The following DMD variants were observed in gnomAD, a reference collection of about 807,000 sequenced individuals.
DMD encodes mutant dystrophin.
DMD carries 63 observed loss-of-function variants against 330.1 expected under a neutral mutation model. That is an observed-to-expected ratio of 0.19 (90% CI 0.16 to 0.24). The LOEUF is 0.24. DMD is among the 10% of genes least tolerant of loss of function. The pLI is 1.00. For synonymous variants in DMD, 1,223 were observed against 959.8 expected (o/e 1.27, Z -5.07); for missense variants, 3,344 against 2,684.1 (o/e 1.25, Z -5.43).
At chrX:32,026,272 G>A (rs1035283033) in intron 44 of DMD, among the ~76,000 whole-genome samples, 11 of 112,127 alleles carry the variant, frequency 9.8e-5, no homozygotes, top group African/African-American at 3.6e-4. Flanking sequence ...TAAGCTAAGA[G>A]CTGCCACTTA....
intron 21 of DMD, among the ~76,000 whole-genome samples, chrX:32,475,495 G>T (rs1248814112): frequency 8.9e-6 from 1 of 111,889 alleles, no homozygotes; most frequent in East Asian, 2.8e-4. Flanking sequence ...ACTATGGGAT[G>T]TGTTTTCATT....
chrX:31,472,474 G>A, intron 59 of DMD, among the ~76,000 whole-genome samples: 1 of 112,349 alleles, frequency 8.9e-6, no homozygotes, highest in Middle Eastern at 4.6e-3. Context: ...GAACATGGTT[G>A]CAAGTATCTT....
intron 18 of DMD, among the ~76,000 whole-genome samples, chrX:32,504,294 T>C (rs915668479): frequency 5.4e-5 from 6 of 111,979 alleles, no homozygotes; most frequent in African/African-American, 1.6e-4. Context: ...TATCACAAAT[T>C]CACTTTAAAA....
At chrX:31,551,895 A>C (rs1198051877) in intron 55 of DMD, among the ~76,000 whole-genome samples, 2 of 112,164 alleles carry the variant, frequency 1.8e-5, no homozygotes, top group Non-Finnish European at 3.8e-5. Flanking sequence ...AAATTTCCCT[A>C]AAGACAAGTA....
chrX:32,364,853 C>A (rs746220640), intron 35 of DMD, 143 bp from the exon 36 acceptor site: 2 of 743,190 alleles, frequency 2.7e-6, no homozygotes, highest in East Asian at 3.6e-5. Context: ...TAGAATATTG[C>A]GTAAATATAA....
At chrX:32,429,095 G>T (rs762174559) in intron 29 of DMD, among the ~76,000 whole-genome samples, 1 of 108,811 alleles carries the variant, frequency 9.2e-6, no homozygotes, top group East Asian at 2.9e-4. Context: ...TAAAAACAAT[G>T]TATTTTGAAT....
At chrX:32,928,243 T>A (rs2089259111) in intron 2 of DMD, among the ~76,000 whole-genome samples, 2 of 110,701 alleles carry the variant, frequency 1.8e-5, no homozygotes, top group Non-Finnish European at 3.8e-5. Context: ...CCCCTTTTTT[T>A]AATGTCATCT....
At chrX:32,727,640 G>C (rs1446905445) in intron 7 of DMD, among the ~76,000 whole-genome samples, 1 of 110,390 alleles carries the variant, frequency 9.1e-6, no homozygotes, top group Non-Finnish European at 1.9e-5. Flanking sequence ...CCTAATTTAG[G>C]ATACATGTTA....
chrX:31,655,590 T>C (rs1290892539), intron 54 of DMD, among the ~76,000 whole-genome samples: 3 of 111,101 alleles, frequency 2.7e-5, no homozygotes, highest in Non-Finnish European at 5.7e-5. Flanking sequence ...ATTGCAACAG[T>C]AGTAAATGTG....
intron 29 of DMD, 57 bp downstream of exon 29, chrX:32,438,184 T>A: frequency 8.8e-7 from 1 of 1,138,576 alleles, no homozygotes; most frequent in South Asian, 1.8e-5. Flanking sequence ...GAGAGGCCTG[T>A]ATCTGCTATA....
At chrX:32,794,247 T>C (rs1439107308) in intron 7 of DMD, among the ~76,000 whole-genome samples, 1 of 111,839 alleles carries the variant, frequency 8.9e-6, no homozygotes, top group Non-Finnish European at 1.9e-5. Flanking sequence ...ATGACAAATC[T>C]ACAAGTAGTA....
chrX:33,336,208 G>T (rs1316784869), intron 1 of DMD, among the ~76,000 whole-genome samples: 1 of 106,468 alleles, frequency 9.4e-6, no homozygotes, highest in East Asian at 2.9e-4. Flanking sequence ...TATTGTCGTG[G>T]CTTTCTCTTT....
At chrX:32,213,867 G>A (rs770632954) in intron 44 of DMD, among the ~76,000 whole-genome samples, 1 of 110,019 alleles carries the variant, frequency 9.1e-6, no homozygotes, top group African/African-American at 3.3e-5. Context: ...CCAGCTACTC[G>A]GGAGGCTAAG....
At chrX:32,184,888 A>G (rs916621766) in intron 44 of DMD, among the ~76,000 whole-genome samples, 1 of 104,060 alleles carries the variant, frequency 9.6e-6, no homozygotes, top group Non-Finnish European at 2.0e-5. Flanking sequence ...AGTACAAAAT[A>G]AAGTAGAAGA....
chrX:31,627,016 A>C (rs1215022521), intron 55 of DMD, among the ~76,000 whole-genome samples: 2 of 112,040 alleles, frequency 1.8e-5, no homozygotes, highest in East Asian at 5.6e-4. Flanking sequence ...GCCTCCTTGT[A>C]CTACAGAATA....
chrX:32,836,551 A>AT (rs2079650236), intron 4 of DMD, among the ~76,000 whole-genome samples: 1 of 110,944 alleles, frequency 9.0e-6, no homozygotes, highest in Admixed American at 9.7e-5. Context: ...CTTTATCTTT[A>AT]GTTCCTGCTT....
chrX:32,046,981 A>G (rs1334880870), intron 44 of DMD, among the ~76,000 whole-genome samples: 1 of 111,766 alleles, frequency 8.9e-6, no homozygotes, highest in Non-Finnish European at 1.9e-5. Flanking sequence ...GTCATAAGAC[A>G]TAGTGCCTAG....
intron 62 of DMD, among the ~76,000 whole-genome samples, chrX:31,304,043 G>T (rs938917731): frequency 2.7e-5 from 3 of 112,107 alleles, no homozygotes; most frequent in Non-Finnish European, 5.6e-5. Flanking sequence ...TCTTAGGTAA[G>T]GAGAATCAAA....
intron 67 of DMD, among the ~76,000 whole-genome samples, chrX:31,202,356 T>C (rs1811650714): frequency 8.9e-6 from 1 of 112,366 alleles, no homozygotes; most frequent in South Asian, 3.7e-4. Flanking sequence ...TGATGATTGA[T>C]TGGATTGATC....
Sources: allele counts gnomAD v4.1 joint callset (sites outside exome capture counted in the v4.1 genomes callset), GRCh38; gene constraint gnomAD v4.1.1; transcripts MANE v1.5; gene names NCBI Gene and HGNC (gene_info 2026-07-23, HGNC 2026-07-21).